C8orf89: variants seen among roughly 807,000 people sequenced by gnomAD.
C8orf89 encodes chromosome 8 open reading frame 89, also known as putative uncharacterized protein C8orf89.
C8orf89 carries 14 observed loss-of-function variants against 15.8 expected under a neutral mutation model. That is an observed-to-expected ratio of 0.89 (90% CI 0.59 to 1.39). The LOEUF (loss-of-function observed/expected upper bound fraction) is 1.39, where lower values mean the gene tolerates loss of function less well. C8orf89 is among the 40% of genes most tolerant of loss of function. C8orf89 has a pLI of 0.00. For missense variants in C8orf89, 181 were observed against 184.5 expected (o/e 0.98, Z 0.11); for synonymous variants, 55 against 62.2 (o/e 0.88, Z 0.54).
intron 2 of C8orf89, among the ~76,000 whole-genome samples, chr8:73,254,168 G>A (rs554671264): frequency 3.9e-5 from 6 of 152,162 alleles, no homozygotes; most frequent in South Asian, 4.2e-4. Flanking sequence ...GTCAAAGGCC[G>A]TTTCTGCATC....
At chr8:73,241,691 T>C in intron 3 of C8orf89, 86 bp from the exon 4 acceptor site, 1 of 1,145,414 alleles carries the variant, frequency 8.7e-7, no homozygotes. Context: ...GACTGAAATA[T>C]TTCTTCCACA....
intron 3 of C8orf89, among the ~76,000 whole-genome samples, chr8:73,246,628 C>T (rs968473545): frequency 2.0e-5 from 3 of 152,186 alleles, no homozygotes; most frequent in Admixed American, 1.3e-4. Context: ...CTGCTCACCT[C>T]GGCCTCCCAA....
At chr8:73,276,805 ATTT>A in the C8orf89 span, among the ~76,000 whole-genome samples, 1 of 87,636 alleles carries the variant, frequency 1.1e-5, no homozygotes, top group Non-Finnish European at 2.1e-5. Flanking sequence ...CACAGCAGTC[ATTT>A]TTTTTTTTTT....
At chr8:73,285,630 C>T in the C8orf89 span, among the ~76,000 whole-genome samples, 1 of 152,210 alleles carries the variant, frequency 6.6e-6, no homozygotes, top group African/African-American at 2.4e-5. Flanking sequence ...GCAGCTGCAC[C>T]GAGGGGAGGG....
the C8orf89 span, among the ~76,000 whole-genome samples, chr8:73,270,126 C>A: frequency 6.6e-6 from 1 of 151,964 alleles, no homozygotes; most frequent in Non-Finnish European, 1.5e-5. Flanking sequence ...TGAAAAACAA[C>A]AAAGTTTTTT....
upstream of C8orf89, among the ~76,000 whole-genome samples, chr8:73,263,185 A>G (rs1029101515): frequency 1.3e-5 from 2 of 152,224 alleles, no homozygotes; most frequent in Non-Finnish European, 2.9e-5. Context: ...TGTATTTTTA[A>G]GGCACCCCCA....
the C8orf89 span, among the ~76,000 whole-genome samples, chr8:73,277,126 T>C: frequency 6.6e-6 from 1 of 152,148 alleles, no homozygotes; most frequent in African/African-American, 2.4e-5. Context: ...ATTTTAAGCC[T>C]CAAATCTTCC....
the C8orf89 span, among the ~76,000 whole-genome samples, chr8:73,278,199 CT>C: frequency 6.6e-6 from 1 of 152,178 alleles, no homozygotes; most frequent in African/African-American, 2.4e-5. Flanking sequence ...TTTCTCATTT[CT>C]AAAACAATGA....
chr8:73,261,254 C>G (rs7839016), upstream of C8orf89, among the ~76,000 whole-genome samples: 10,378 of 152,158 alleles, frequency 0.068, 498 homozygotes, highest in African/African-American at 0.13. Flanking sequence ...AGAACCCTGA[C>G]TAATACAAGC....
At chr8:73,275,711 T>C in the C8orf89 span, among the ~76,000 whole-genome samples, 1 of 152,212 alleles carries the variant, frequency 6.6e-6, no homozygotes, top group Admixed American at 6.5e-5. Flanking sequence ...TGTAGTGCTT[T>C]ATATTTGGTG....
chr8:73,259,422 A>T lies in C8orf89; in HGVS notation c.37T>A (p.Ser13Thr), dbSNP rs901579644. The T allele has an allele frequency of 1.3e-6, 2 of 1,534,408 alleles. No individual in the cohort carries two copies. The highest frequency in any genetic ancestry group is 1.7e-6 in the Non-Finnish European group (2 of 1,146,046). Reference sequence around the variant, plus strand: ...CCAAAGGAACTTCTGGTGAATTTAGAAGTCTCACATTTGATTTCAGGAGAT... The same window carrying T: ...CCAAAGGAACTTCTGGTGAATTTAGTAGTCTCACATTTGATTTCAGGAGAT... ...VLSPEIKCET[S>T]KFTRSSFGSC... The change falls in exon 1 of 4, where the codon TCT (serine) becomes ACT (threonine). Residue 13 changes from serine to threonine, a missense_variant. By Grantham distance (58) the Ser-to-Thr change is moderately conservative. Coordinates refer to ENST00000624510, the MANE Select transcript of C8orf89 (RefSeq NM_001243237.3).
chr8:73,265,185 T>C, the C8orf89 span, among the ~76,000 whole-genome samples: 9 of 152,242 alleles, frequency 5.9e-5, no homozygotes, highest in Non-Finnish European at 1.3e-4. Flanking sequence ...ATAAGGTTAT[T>C]TACATTAATT....
chr8:73,282,178 T>C, the C8orf89 span, among the ~76,000 whole-genome samples: 3 of 152,178 alleles, frequency 2.0e-5, no homozygotes, highest in African/African-American at 4.8e-5. Context: ...GATATACACA[T>C]AAATGTGTCA....
chr8:73,283,525 C>G, the C8orf89 span, among the ~76,000 whole-genome samples: 1 of 152,168 alleles, frequency 6.6e-6, no homozygotes, highest in Non-Finnish European at 1.5e-5. Flanking sequence ...GTGAAGTGTT[C>G]AGCACAGTAC....
chr8:73,242,967 T>C (rs1195645776), intron 3 of C8orf89, among the ~76,000 whole-genome samples: 1 of 151,964 alleles, frequency 6.6e-6, no homozygotes, highest in Non-Finnish European at 1.5e-5. Context: ...TGGAGTACTA[T>C]TCAGCCATAA....
chr8:73,280,730 CACATATATATAT>C, the C8orf89 span, among the ~76,000 whole-genome samples: 29 of 150,024 alleles, frequency 1.9e-4, no homozygotes, highest in Non-Finnish European at 2.4e-4. Flanking sequence ...CATATATATA[CACATATATATAT>C]ACACACACAC....
the C8orf89 span, among the ~76,000 whole-genome samples, chr8:73,279,483 T>C: frequency 6.6e-6 from 1 of 152,206 alleles, no homozygotes; most frequent in African/African-American, 2.4e-5. Context: ...ATAGCTCAAG[T>C]AGATGGCAAG....
intron 1 of C8orf89, among the ~76,000 whole-genome samples, chr8:73,258,829 C>G (rs1813464909): frequency 6.6e-6 from 1 of 151,894 alleles, no homozygotes. Context: ...TGGGGTATCA[C>G]CATGTTGCCC....
At position 73,257,007 on chromosome 8, in the gene C8orf89, G is replaced by C. The variant is rs1215422870; in HGVS notation, c.247C>G (p.Leu83Val). ...GACACCTCGGCATCAGCACGTGGCA[G>C]TCTTTTAGGAACCTCTAGTGGAGTT... ...SSTPLEVPKR[L>V]PRADAEVSAV... The change falls in exon 2 of 4, where the codon CTG (leucine) becomes GTG (valine). Residue 83 changes from leucine to valine, a missense_variant. Physicochemically the swap from Leu to Val is conservative, Grantham distance 32. Transcript: ENST00000624510. 2 of 1,535,158 alleles carry C rather than the reference G, an allele frequency of 1.3e-6. No homozygotes were observed. Among genetic ancestry groups the C allele is most frequent in the Non-Finnish European group, 1.7e-6 (2 of 1,146,458 alleles).
Sources: allele counts gnomAD v4.1 joint callset (sites outside exome capture counted in the v4.1 genomes callset), GRCh38; gene constraint gnomAD v4.1.1; transcripts MANE v1.5; gene names NCBI Gene and HGNC (gene_info 2026-07-23, HGNC 2026-07-21).